MICAL3: variants seen among roughly 807,000 people sequenced by gnomAD.
The protein encoded by MICAL3 is [F-actin]-monooxygenase MICAL3.
Under a neutral mutation model 207.4 loss-of-function variants are expected in MICAL3, and 62 were observed. The observed-to-expected ratio is 0.30, with a 90% confidence interval of 0.24 to 0.37. The LOEUF is 0.37. Ranked by LOEUF, MICAL3 falls within the 10% of genes least tolerant of loss-of-function variation. The pLI is 1.00. For synonymous variants in MICAL3, 1,077 were observed against 1,069.3 expected (o/e 1.01, Z -0.14); for missense variants, 2,368 against 2,635.6 (o/e 0.90, Z 2.22).
chr22:17,808,860 C>G lies in MICAL3; in HGVS notation c.5634G>C (p.Ala1878=), dbSNP rs376351943. The change falls in exon 29 of 32, where the codon GCG becomes GCC. Residue 1878 remains alanine (A), a synonymous_variant. Transcript: ENST00000441493. ...CGGCAGTACCTGCTTCGCCCCGGAG[C>G]GCCTTCTCCACAGCCACGCCCCTTT... is the stretch of plus-strand genomic sequence containing the variant. The part of the protein sequence containing the change: ...LEERGVAVEK[A]LRGEAGMGKK... 3 of 1,552,854 alleles carry G rather than the reference C, an allele frequency of 1.9e-6. No individual in the cohort carries two copies. Among genetic ancestry groups the G allele is most frequent in the East Asian group, 2.4e-5 (1 of 40,968 alleles).
intron 21 of MICAL3, 133 bp downstream of exon 21, chr22:17,831,721 A>T: frequency 1.4e-6 from 2 of 1,406,500 alleles, no homozygotes; most frequent in Non-Finnish European, 1.9e-6. Context: ...GTCTTATGTC[A>T]GGAGGGGTGG....
intron 1 of MICAL3, among the ~76,000 whole-genome samples, chr22:17,974,673 G>A (rs961122812): frequency 1.2e-4 from 18 of 148,612 alleles, no homozygotes; most frequent in Non-Finnish European, 1.9e-4. Context: ...GTAGTGAGCC[G>A]AGATGGCACC....
chr22:17,950,337 G>GTTTT (rs764642603), intron 1 of MICAL3, among the ~76,000 whole-genome samples: 51 of 89,302 alleles, frequency 5.7e-4, no homozygotes, highest in Middle Eastern at 7.0e-3. Flanking sequence ...TTTTGTTTTT[G>GTTTT]TTTTTTTTTT....
chr22:17,852,659 C>T (rs1418243786), intron 19 of MICAL3, among the ~76,000 whole-genome samples: 1 of 152,208 alleles, frequency 6.6e-6, no homozygotes. Context: ...CCTGAGGCTC[C>T]TGGGTCTAAC....
At chr22:17,904,284 A>G (rs1931552534) in intron 3 of MICAL3, among the ~76,000 whole-genome samples, 1 of 152,244 alleles carries the variant, frequency 6.6e-6, no homozygotes, top group Non-Finnish European at 1.5e-5. Flanking sequence ...GGACCACCAG[A>G]GGGTCTGGGC....
intron 1 of MICAL3, among the ~76,000 whole-genome samples, chr22:18,015,422 C>CTTTTTTTTT (rs34098867): frequency 4.7e-5 from 5 of 105,574 alleles, no homozygotes; most frequent in Admixed American, 2.3e-4. Context: ...TAAGACTCAT[C>CTTTTTTTTT]TTTTTTTTTT....
chr22:17,824,766 A>T (rs148232123), intron 22 of MICAL3, among the ~76,000 whole-genome samples: 1 of 152,312 alleles, frequency 6.6e-6, no homozygotes, highest in African/African-American at 2.4e-5. Flanking sequence ...GCAGGGGGGA[A>T]ATGCCTCAAG....
chr22:17,946,134 G>A (rs73388467), intron 1 of MICAL3, among the ~76,000 whole-genome samples: 1,902 of 152,256 alleles, frequency 0.012, 40 homozygotes, highest in African/African-American at 0.044. Flanking sequence ...GTATTCCTGG[G>A]AGTCCCCTGT....
intron 1 of MICAL3, among the ~76,000 whole-genome samples, chr22:18,008,095 C>G (rs1923516729): frequency 6.6e-6 from 1 of 151,868 alleles, no homozygotes; most frequent in South Asian, 2.1e-4. Context: ...CAAAATTAGC[C>G]TGGCATGGTG....
At chr22:17,955,669 C>T (rs1051178870) in intron 1 of MICAL3, among the ~76,000 whole-genome samples, 30 of 152,258 alleles carry the variant, frequency 2.0e-4, no homozygotes, top group African/African-American at 7.2e-4. Flanking sequence ...CTTTCTCAAG[C>T]CGATCCTTGG....
chr22:17,899,884 G>A (rs1931177902), intron 6 of MICAL3, among the ~76,000 whole-genome samples: 2 of 152,096 alleles, frequency 1.3e-5, no homozygotes, highest in South Asian at 4.1e-4. Context: ...AAGCCTCTTG[G>A]GACAGTCATC....
intron 13 of MICAL3, 36 bp from the exon 14 acceptor site, chr22:17,887,471 C>A: frequency 6.8e-7 from 1 of 1,475,898 alleles, no homozygotes; most frequent in Non-Finnish European, 9.4e-7. Context: ...AAGCACAGCC[C>A]TTGAGGGCGC....
chr22:18,003,058 G>A (rs924872862), intron 1 of MICAL3, among the ~76,000 whole-genome samples: 20 of 151,744 alleles, frequency 1.3e-4, no homozygotes, highest in Non-Finnish European at 2.4e-4. Flanking sequence ...TACTCAGGAG[G>A]CTGAGGCAGG....
chr22:17,798,728 C>A (rs1266062129), intron 29 of MICAL3, among the ~76,000 whole-genome samples: 1 of 139,888 alleles, frequency 7.1e-6, no homozygotes, highest in Non-Finnish European at 1.5e-5. Flanking sequence ...GGCTGGAGTG[C>A]AGTGGCGCGA....
intron 1 of MICAL3, among the ~76,000 whole-genome samples, chr22:17,968,749 C>T (rs76696018): frequency 0.018 from 2,797 of 152,140 alleles, 74 homozygotes; most frequent in African/African-American, 0.059. Flanking sequence ...AACAGTTTGA[C>T]GTAGGATATA....
chr22:17,975,642 A>G (rs1208496111), intron 1 of MICAL3, among the ~76,000 whole-genome samples: 3 of 152,194 alleles, frequency 2.0e-5, no homozygotes, highest in African/African-American at 7.2e-5. Flanking sequence ...GGGATACAGA[A>G]CAAACCAGGT....
At chr22:17,870,121 G>T (rs5992881) in intron 17 of MICAL3, among the ~76,000 whole-genome samples, 4 of 151,986 alleles carry the variant, frequency 2.6e-5, no homozygotes, top group African/African-American at 9.7e-5. Context: ...TTAAAATTTG[G>T]GGAGCTGGTT....
At chr22:17,882,959 CG>C (rs1047848098) in intron 16 of MICAL3, among the ~76,000 whole-genome samples, 1 of 152,130 alleles carries the variant, frequency 6.6e-6, no homozygotes, top group Non-Finnish European at 1.5e-5. Context: ...GTGCTTCTGG[CG>C]GCCCCTCAGT....
Position 17,994,430 on chromosome 22 carries a change from C to T in MICAL3, c.-75+29851G>A, listed in dbSNP as rs926503321. Among the ~76,000 whole-genome samples the T allele has an allele frequency of 1.2e-4, 19 of 152,192 alleles. 1 individual carries two copies. Among genetic ancestry groups the T allele is most frequent in the Admixed American group, 6.5e-5 (1 of 15,278 alleles). ...GCTACCTCCAGACTTCAACTGGCAACAGAAAAGAGACAGAGGGCTGGGTGC... is the reference window on the plus strand; with the variant it reads ...GCTACCTCCAGACTTCAACTGGCAATAGAAAAGAGACAGAGGGCTGGGTGC... On this transcript the variant is annotated intron_variant, in intron 1 of 31. Transcript: ENST00000441493.
Sources: allele counts gnomAD v4.1 joint callset (sites outside exome capture counted in the v4.1 genomes callset), GRCh38; gene constraint gnomAD v4.1.1; transcripts MANE v1.5; gene names NCBI Gene and HGNC (gene_info 2026-07-23, HGNC 2026-07-21).